Variants in LINGO2 observed in about 807,000 individuals in gnomAD.
LINGO2 encodes the protein leucine rich repeat and Ig domain containing 2.
Under a neutral mutation model 30.6 loss-of-function variants are expected in LINGO2, and 14 were observed. The ratio of observed to expected loss-of-function variants is 0.46; its 90% confidence interval spans 0.30 to 0.72. The LOEUF (loss-of-function observed/expected upper bound fraction) is 0.72. LINGO2 is among the 30% of genes least tolerant of loss of function. The pLI, the probability that LINGO2 is intolerant of heterozygous loss-of-function variation, is 0.07. For synonymous variants in LINGO2, 317 were observed against 288.5 expected, an observed-to-expected ratio of 1.10 and a Z score of -1.00; for missense variants, 729 against 751.7, an observed-to-expected ratio of 0.97 and a Z score of 0.35.
rs188677909 is a variant in LINGO2 at position 28,305,796 on chromosome 9, T to C, written c.-245-10430A>G. Among the ~76,000 whole-genome samples the C allele has an allele frequency of 9.6e-4, 146 of 152,108 alleles. 2 individuals carry two copies. Among genetic ancestry groups the C allele is most frequent in the Non-Finnish European group, 1.5e-3 (101 of 67,946 alleles). On this transcript the variant is annotated intron_variant, in intron 3 of 5. Coordinates refer to ENST00000379992, the Ensembl canonical transcript of LINGO2. The stretch of plus-strand genomic sequence containing the variant: ...AAATTGACATCAACAATAATGGGTT[T>C]TCTAACCCATGAATGTGGCGTTCAT...
chr9:28,189,838 G>C (rs991709850), intron 4 of LINGO2, among the ~76,000 whole-genome samples: 1 of 152,096 alleles, frequency 6.6e-6, no homozygotes, highest in African/African-American at 2.4e-5. Flanking sequence ...CTCTGGTTCT[G>C]TGTGTACTGC....
At chr9:28,841,774 C>T in the LINGO2 span, among the ~76,000 whole-genome samples, 1 of 151,458 alleles carries the variant, frequency 6.6e-6, no homozygotes, top group African/African-American at 2.4e-5. Context: ...AGGTATCAAA[C>T]AAAAATGAAG....
At chr9:29,040,025 T>C in the LINGO2 span, among the ~76,000 whole-genome samples, 1 of 152,184 alleles carries the variant, frequency 6.6e-6, no homozygotes, top group African/African-American at 2.4e-5. Context: ...ACTATATTTT[T>C]ATAGAAATAT....
the LINGO2 span, among the ~76,000 whole-genome samples, chr9:28,705,471 CT>C: frequency 4.3e-4 from 66 of 152,138 alleles, no homozygotes; most frequent in African/African-American, 1.5e-3. Flanking sequence ...AGGTATTTTT[CT>C]TCTCTTATAT....
intron 4 of LINGO2, among the ~76,000 whole-genome samples, chr9:28,064,476 G>T (rs759585206): frequency 2.0e-5 from 3 of 152,156 alleles, no homozygotes; most frequent in Non-Finnish European, 4.4e-5. Flanking sequence ...AGCTCCAACT[G>T]TGAGAGGCAA....
the LINGO2 span, among the ~76,000 whole-genome samples, chr9:28,880,279 G>GA: frequency 6.6e-6 from 1 of 152,044 alleles, no homozygotes; most frequent in Non-Finnish European, 1.5e-5. Context: ...ACTCCATTTT[G>GA]AAAAAGACTT....
chr9:28,894,773 T>C, the LINGO2 span, among the ~76,000 whole-genome samples: 1 of 152,082 alleles, frequency 6.6e-6, no homozygotes, highest in Non-Finnish European at 1.5e-5. Flanking sequence ...GTACAATATG[T>C]TGCTTTGAAA....
chr9:28,406,541 C>A (rs2134778782), intron 2 of LINGO2, among the ~76,000 whole-genome samples: 1 of 152,180 alleles, frequency 6.6e-6, no homozygotes, highest in African/African-American at 2.4e-5. Context: ...CTTTATGCAT[C>A]CTCTATTTTC....
chr9:28,507,103 T>C (rs1212583266), intron 1 of LINGO2, among the ~76,000 whole-genome samples: 2 of 152,064 alleles, frequency 1.3e-5, no homozygotes, highest in African/African-American at 2.4e-5. Flanking sequence ...TTATACCTTA[T>C]AAGAAATTCC....
the LINGO2 span, among the ~76,000 whole-genome samples, chr9:28,946,157 G>A: frequency 6.6e-6 from 1 of 152,134 alleles, no homozygotes; most frequent in Admixed American, 6.6e-5. Context: ...CAATCTGACT[G>A]TTATGAACCT....
chr9:28,562,586 C>A (rs189712088), intron 1 of LINGO2, among the ~76,000 whole-genome samples: 163 of 151,624 alleles, frequency 1.1e-3, no homozygotes, highest in Admixed American at 6.0e-3. Flanking sequence ...CTGTGTCATG[C>A]TAAAAGGGTT....
the LINGO2 span, among the ~76,000 whole-genome samples, chr9:28,912,136 C>T: frequency 1.3e-5 from 2 of 152,078 alleles, no homozygotes; most frequent in Non-Finnish European, 1.5e-5. Context: ...AATTAGATGA[C>T]TTCATGTATG....
At chr9:28,705,913 T>A in the LINGO2 span, among the ~76,000 whole-genome samples, 2 of 151,550 alleles carry the variant, frequency 1.3e-5, no homozygotes, top group South Asian at 4.2e-4. Flanking sequence ...CTCTGATGAA[T>A]CTAAAAAGAG....
At chr9:28,664,861 T>C (rs1828730747) in intron 1 of LINGO2, among the ~76,000 whole-genome samples, 1 of 151,792 alleles carries the variant, frequency 6.6e-6, no homozygotes, top group African/African-American at 2.4e-5. Context: ...GCTTTACTTT[T>C]AACTGAGCAC....
At chr9:28,807,498 G>A in the LINGO2 span, among the ~76,000 whole-genome samples, 2 of 152,144 alleles carry the variant, frequency 1.3e-5, no homozygotes, top group African/African-American at 4.8e-5. Flanking sequence ...GCCTCTTGGA[G>A]AGCATCTGGT....
chr9:29,034,924 T>C, the LINGO2 span, among the ~76,000 whole-genome samples: 1 of 152,130 alleles, frequency 6.6e-6, no homozygotes. Context: ...GTTCCTACTT[T>C]AGAAAGGTGA....
chr9:28,888,761 A>G, the LINGO2 span: 1 of 443,302 alleles, frequency 2.3e-6, no homozygotes, highest in Middle Eastern at 3.4e-4. Flanking sequence ...CATTTTCAAC[A>G]TTACTTCCTT....
intron 3 of LINGO2, among the ~76,000 whole-genome samples, chr9:28,308,314 A>G (rs1314597165): frequency 7.7e-6 from 1 of 130,382 alleles, no homozygotes; most frequent in Non-Finnish European, 1.7e-5. Context: ...AAACCTGAGA[A>G]AAACAAGCAA....
chr9:28,017,539 T>C (rs1822900614), intron 4 of LINGO2, among the ~76,000 whole-genome samples: 1 of 152,096 alleles, frequency 6.6e-6, no homozygotes, highest in Non-Finnish European at 1.5e-5. Flanking sequence ...TAAATCAATA[T>C]CTATAAATCA....
Sources: allele counts gnomAD v4.1 joint callset (sites outside exome capture counted in the v4.1 genomes callset), GRCh38; gene constraint gnomAD v4.1.1; transcripts MANE v1.5; gene names NCBI Gene and HGNC (gene_info 2026-07-23, HGNC 2026-07-21).